Variants in ZNF726 observed in about 807,000 individuals in gnomAD.
ZNF726 encodes the protein zinc finger protein 92 pseudogene 3.
Under a neutral mutation model 11.6 loss-of-function variants are expected in ZNF726, and 15 were observed. That is an observed-to-expected ratio of 1.29 (90% CI 0.86 to 1.99). The LOEUF (loss-of-function observed/expected upper bound fraction) is 1.99, where lower values mean the gene tolerates loss of function less well. ZNF726 is among the 30% of genes most tolerant of loss of function. The pLI, the probability that ZNF726 is intolerant of heterozygous loss-of-function variation, is 0.00. For synonymous variants in ZNF726, 295 were observed against 243.6 expected, an observed-to-expected ratio of 1.21 and a Z score of -1.96; for missense variants, 890 against 725.6, an observed-to-expected ratio of 1.23 and a Z score of -2.60.
At chr19:23,940,843 C>T (rs1222733915) in intron 3 of ZNF726, among the ~76,000 whole-genome samples, 2 of 152,094 alleles carry the variant, frequency 1.3e-5, no homozygotes, top group Non-Finnish European at 2.9e-5. Flanking sequence ...AATCTTGTAT[C>T]CAGAAACTGC....
intron 1 of ZNF726, among the ~76,000 whole-genome samples, chr19:23,918,194 A>T (rs955191059): frequency 2.0e-5 from 3 of 152,336 alleles, no homozygotes; most frequent in African/African-American, 7.2e-5. Flanking sequence ...GTTGTTTACC[A>T]GGGAAGGGGG....
At chr19:23,936,288 G>C (rs1165564272), downstream of ZNF726, 3 of 152,144 alleles carry the variant, frequency 2.0e-5, no homozygotes, top group African/African-American at 7.2e-5. Flanking sequence ...TCAGTGCTGA[G>C]TATAGGAAAT....
At chr19:23,940,246 A>G (rs111606101) in intron 3 of ZNF726, among the ~76,000 whole-genome samples, 1 of 152,142 alleles carries the variant, frequency 6.6e-6, no homozygotes, top group Admixed American at 6.5e-5. Flanking sequence ...CTAGCCAATT[A>G]TCCCAGCACC....
downstream of ZNF726, chr19:23,935,147 G>A (rs760080588): frequency 9.6e-5 from 36 of 374,170 alleles, no homozygotes; most frequent in Admixed American, 2.5e-4. Flanking sequence ...CGCAAATCTC[G>A]TCTTGAATCC....
Position 23,932,400 on chromosome 19 carries a change from T to C in ZNF726, c.284T>C (p.Phe95Ser), listed in dbSNP as rs555236541. The C allele has an allele frequency of 3.9e-6, 6 of 1,528,982 alleles. No homozygotes were observed. The East Asian group carries it at 6.9e-5, about 18-fold the overall frequency. The allele number at this position is 1,528,982 out of a possible 1,614,324, so 94.7% of individuals were successfully genotyped here. ...CCAGAGCAGGGCGTGGAAGATTCTT[T>C]TCAAAAAGTAATACTAAGAAGATTT... The part of the protein sequence containing the change: ...IWPEQGVEDS[F>S]QKVILRRFEK... The change falls in exon 4 of 4, where the codon TTT becomes TCT. Residue 95 changes from phenylalanine (F) to serine (S), a missense_variant. Phe to Ser is a radical substitution (Grantham distance 155). Coordinates refer to ENST00000594466, the MANE Select transcript of ZNF726 (RefSeq NM_001244038.2).
chr19:23,932,819 G>C lies in ZNF726; in HGVS notation c.703G>C (p.Gly235Arg). The change falls in exon 4 of 4, where the codon GGC (glycine) becomes CGC (arginine). Residue 235 changes from glycine (G) to arginine (R), a missense_variant. By Grantham distance (125) the Gly-to-Arg change is moderately radical. Coordinates refer to ENST00000594466, the MANE Select transcript of ZNF726 (RefSeq NM_001244038.2). ...AAAGCCCTACAAATGTGAAGAATAT[G>C]GCAAAGCTTTTAATCAATCCTCAAA... is the stretch of plus-strand genomic sequence containing the variant. ...EEKPYKCEEY[G>R]KAFNQSSNYT... is the part of the protein sequence containing the mutation. 10 of 1,608,552 alleles carry C rather than the reference G, an allele frequency of 6.2e-6. No homozygotes were observed. The East Asian group carries it at 2.2e-4, about 36-fold the overall frequency.
intron 3 of ZNF726, among the ~76,000 whole-genome samples, chr19:23,929,509 T>C (rs1968059255): frequency 6.6e-6 from 1 of 152,158 alleles, no homozygotes; most frequent in African/African-American, 2.4e-5. Flanking sequence ...ATGAGACTTA[T>C]TCACTATCAT....
intron 3 of ZNF726, among the ~76,000 whole-genome samples, chr19:23,926,307 C>A (rs903153551): frequency 6.6e-6 from 1 of 151,934 alleles, no homozygotes; most frequent in South Asian, 2.1e-4. Context: ...GTAATCCCAG[C>A]GCTTTGAGAG....
downstream of ZNF726, chr19:23,935,974 A>T (rs867708063): frequency 6.6e-6 from 1 of 152,286 alleles, no homozygotes; most frequent in East Asian, 1.9e-4. Flanking sequence ...TAATACATTT[A>T]CTTGTCTCAC....
intron 3 of ZNF726, chr19:23,943,482 C>T (rs1353976977): frequency 1.7e-6 from 1 of 597,060 alleles, no homozygotes; most frequent in South Asian, 2.1e-5. Flanking sequence ...TTACTTTTTT[C>T]TAACAAAACA....
Position 23,914,902 on chromosome 19 carries a change from G to A in ZNF726, c.-93G>A, listed in dbSNP as rs554503355. ...GGGGCCTTTGTCTCTATCTGCGGCC[G>A]GAGCTCCAGGTCTCGTCCTCACTAC... On this transcript the variant is annotated 5_prime_UTR_variant, in exon 1 of 4. Transcript: ENST00000594466. The A allele has an allele frequency of 4.4e-6, 7 of 1,574,356 alleles. No individual in the cohort carries two copies. Among genetic ancestry groups the A allele is most frequent in the South Asian group, 2.2e-5 (2 of 88,900 alleles).
rs1488094893 is a variant in ZNF726 at position 23,932,411 on chromosome 19, A to AT, written c.296dup (p.Leu100ThrfsTer5). 39 of 1,548,140 alleles carry AT rather than the reference A, an allele frequency of 2.5e-5. No individual in the cohort carries two copies. Among genetic ancestry groups the AT allele is most frequent in the Non-Finnish European group, 3.4e-5 (39 of 1,153,486 alleles). On this transcript the variant is annotated frameshift_variant, in exon 4 of 4. Transcript: ENST00000594466. LOFTEE classifies it low-confidence loss of function (END_TRUNC). ...CGTGGAAGATTCTTTTCAAAAAGTA[A>AT]TACTAAGAAGATTTGAAAAATGTGG...
chr19:23,937,854 C>G (rs1968272644), downstream of ZNF726, among the ~76,000 whole-genome samples: 1 of 152,222 alleles, frequency 6.6e-6, no homozygotes, highest in African/African-American at 2.4e-5. Flanking sequence ...GCCTGGGCAC[C>G]ATTGAGCACT....
At chr19:23,918,323 G>T (rs1442300526) in intron 1 of ZNF726, among the ~76,000 whole-genome samples, 2 of 152,100 alleles carry the variant, frequency 1.3e-5, no homozygotes, top group African/African-American at 2.4e-5. Context: ...TGCATTACAC[G>T]ATTAAGAAAA....
At chr19:23,917,604 C>CT (rs933872366) in intron 1 of ZNF726, among the ~76,000 whole-genome samples, 23 of 151,686 alleles carry the variant, frequency 1.5e-4, no homozygotes, top group African/African-American at 3.6e-4. Flanking sequence ...ACTTCAGTTC[C>CT]TTTTTTTTAG....
chr19:23,938,611 CT>C (rs35605431), downstream of ZNF726, among the ~76,000 whole-genome samples: 26,375 of 128,698 alleles, frequency 0.2, 1,778 homozygotes, highest in Middle Eastern at 0.24. Context: ...TTTTTTTTTC[CT>C]TTTTTTTTTT....
At chr19:23,940,215 G>A (rs1440144027) in intron 3 of ZNF726, among the ~76,000 whole-genome samples, 1 of 152,114 alleles carries the variant, frequency 6.6e-6, no homozygotes, top group African/African-American at 2.4e-5. Flanking sequence ...TGAGGATCCA[G>A]TTTCATTCTC....
intron 3 of ZNF726, among the ~76,000 whole-genome samples, chr19:23,931,400 T>A (rs958420358): frequency 6.6e-6 from 1 of 152,198 alleles, no homozygotes; most frequent in Non-Finnish European, 1.5e-5. Flanking sequence ...TTTGTTCTCG[T>A]CCTCATTTTT....
intron 3 of ZNF726, chr19:23,928,134 T>C (rs1054024769): frequency 6.6e-5 from 10 of 152,198 alleles, no homozygotes; most frequent in African/African-American, 2.2e-4. Flanking sequence ...TTGCTCTGTC[T>C]CTCATCATGT....
Sources: gnomAD v4.1 joint callset for allele counts (sites outside exome capture counted in the v4.1 genomes callset) on GRCh38, gnomAD v4.1.1 for gene constraint, MANE v1.5 for transcripts, NCBI Gene and HGNC (gene_info 2026-07-23, HGNC 2026-07-21) for gene names.